Variants in CCBE1 observed in about 807,000 individuals in gnomAD.
The protein encoded by CCBE1 is collagen and calcium binding EGF domains 1.
Under a neutral mutation model 50.0 loss-of-function variants are expected in CCBE1, and 37 were observed. The observed-to-expected ratio is 0.74, with a 90% CI of 0.57 to 0.97. The LOEUF (loss-of-function observed/expected upper bound fraction) is 0.97. CCBE1 is among the 50% of genes least tolerant of loss of function. The probability of loss-of-function intolerance (pLI) is 0.00; values close to 1 mark genes in which losing one functional copy is unlikely to be tolerated. For missense variants in CCBE1, 538 were observed against 523.8 expected (o/e 1.03, Z -0.26); for synonymous variants, 234 against 203.7 (o/e 1.15, Z -1.27).
intron 9 of CCBE1, 73 bp downstream of exon 9, chr18:59,439,470 A>T (rs1910312403): frequency 6.3e-6 from 10 of 1,585,608 alleles, no homozygotes; most frequent in Non-Finnish European, 7.8e-6. Flanking sequence ...ATCTCAAAAA[A>T]CAAAAACAAA....
At chr18:59,485,601 T>TAATTA (rs1461805236) in intron 2 of CCBE1, among the ~76,000 whole-genome samples, 3 of 146,116 alleles carry the variant, frequency 2.1e-5, no homozygotes, top group African/African-American at 8.0e-5. Flanking sequence ...TTTATTTATT[T>TAATTA]ATTTATTTAT....
chr18:59,601,445 C>T (rs2053432985), intron 2 of CCBE1, among the ~76,000 whole-genome samples: 1 of 152,168 alleles, frequency 6.6e-6, no homozygotes, highest in South Asian at 2.1e-4. Flanking sequence ...TAAGACGTGC[C>T]TTTGCTCCTC....
chr18:59,456,057 C>A (rs962603761), intron 5 of CCBE1, among the ~76,000 whole-genome samples: 2 of 152,172 alleles, frequency 1.3e-5, no homozygotes, highest in Admixed American at 1.3e-4. Context: ...TGAATCCCAC[C>A]AAGATGCACA....
chr18:59,523,585 C>A (rs1914696468), intron 2 of CCBE1, among the ~76,000 whole-genome samples: 1 of 152,022 alleles, frequency 6.6e-6, no homozygotes, highest in Non-Finnish European at 1.5e-5. Context: ...ATTATTGTTG[C>A]TATAAAATAT....
intron 2 of CCBE1, among the ~76,000 whole-genome samples, chr18:59,545,520 G>A (rs721062): frequency 0.24 from 37,003 of 152,028 alleles, 4,910 homozygotes; most frequent in African/African-American, 0.32. Context: ...TGGCTTCTAA[G>A]TATTTACTAG....
At chr18:59,613,198 G>A (rs909189115) in intron 2 of CCBE1, among the ~76,000 whole-genome samples, 5 of 151,950 alleles carry the variant, frequency 3.3e-5, no homozygotes, top group Non-Finnish European at 7.4e-5. Context: ...GGTGGGGGGT[G>A]GTAGAGGATA....
chr18:59,548,566 T>C (rs1779872898), intron 2 of CCBE1, among the ~76,000 whole-genome samples: 1 of 152,180 alleles, frequency 6.6e-6, no homozygotes, highest in Non-Finnish European at 1.5e-5. Context: ...AGACCCTACA[T>C]AGGGAAAATC....
At chr18:59,630,109 C>A (rs996775343) in intron 2 of CCBE1, among the ~76,000 whole-genome samples, 4 of 152,158 alleles carry the variant, frequency 2.6e-5, no homozygotes, top group Non-Finnish European at 4.4e-5. Context: ...CCCTGGGGAC[C>A]AGTAAACCAG....
intron 2 of CCBE1, among the ~76,000 whole-genome samples, chr18:59,659,674 G>A (rs1409890116): frequency 6.6e-6 from 1 of 152,156 alleles, no homozygotes; most frequent in African/African-American, 2.4e-5. Context: ...CTGGGTCTCA[G>A]GGAAGCAGAG....
chr18:59,534,002 T>C (rs576191148), intron 2 of CCBE1, among the ~76,000 whole-genome samples: 2 of 152,024 alleles, frequency 1.3e-5, no homozygotes, highest in Non-Finnish European at 2.9e-5. Flanking sequence ...ACCCATTTCA[T>C]TGAGAGATTC....
rs1407955056 is a variant in CCBE1 at position 59,576,578 on chromosome 18, G to T, written c.213-96340C>A. ...ATAAGACTAAAAGTTGCCTCTGTCTGCCCTTATTTTGATTGTGACAAAATG... is the reference window on the plus strand; with the variant it reads ...ATAAGACTAAAAGTTGCCTCTGTCTTCCCTTATTTTGATTGTGACAAAATG... On this transcript the variant is annotated intron_variant, in intron 2 of 10. Coordinates refer to ENST00000439986, the MANE Select transcript of CCBE1 (RefSeq NM_133459.4). Among the ~76,000 whole-genome samples the T allele has an allele frequency of 3.9e-5, 6 of 152,202 alleles. 1 individual carries two copies. Among genetic ancestry groups the T allele is most frequent in the Non-Finnish European group, 8.8e-5 (6 of 68,046 alleles).
At chr18:59,477,538 C>CTGTGTGTGTGTGTG (rs55840819) in intron 3 of CCBE1, among the ~76,000 whole-genome samples, 4,237 of 149,918 alleles carry the variant, frequency 0.028, 269 homozygotes, top group East Asian at 0.14. Flanking sequence ...TTCCATGTCT[C>CTGTGTGTGTGTGTG]TGTGTGTGTG....
At chr18:59,689,280 C>T (rs1400488879) in intron 2 of CCBE1, among the ~76,000 whole-genome samples, 1 of 152,194 alleles carries the variant, frequency 6.6e-6, no homozygotes, top group Non-Finnish European at 1.5e-5. Context: ...TGAGAAGCTT[C>T]ACTCCAGATG....
chr18:59,553,025 G>T (rs973498149), intron 2 of CCBE1, among the ~76,000 whole-genome samples: 14 of 152,220 alleles, frequency 9.2e-5, no homozygotes, highest in African/African-American at 3.1e-4. Flanking sequence ...CTTTTATGGT[G>T]TAAGAGGAGG....
At chr18:59,561,541 C>T (rs11661374) in intron 2 of CCBE1, among the ~76,000 whole-genome samples, 73,742 of 152,078 alleles carry the variant, frequency 0.48, 18,995 homozygotes, top group Non-Finnish European at 0.59. Flanking sequence ...CATGGGAAGG[C>T]CATCCCTTAG....
At chr18:59,653,541 C>T (rs191990554) in intron 2 of CCBE1, among the ~76,000 whole-genome samples, 6 of 152,282 alleles carry the variant, frequency 3.9e-5, no homozygotes, top group Admixed American at 3.3e-4. Flanking sequence ...TTTTTTCCCC[C>T]ACAACAACCC....
Position 59,697,192 on chromosome 18 carries a change from C to G in CCBE1, c.131+20G>C. The G allele has an allele frequency of 6.5e-7, 1 of 1,548,228 alleles. No individual in the cohort carries two copies. The highest frequency in any genetic ancestry group is 8.7e-7 in the Non-Finnish European group (1 of 1,146,638). On this transcript the variant is annotated intron_variant, in intron 1 of 10. Transcript: ENST00000439986. Reference sequence around the variant, plus strand: ...GCATCAAGCAGGAGCTCGCCCTCCGCTGGGGCTTGCAGCGCTTACCTGTCG... The same window carrying G: ...GCATCAAGCAGGAGCTCGCCCTCCGGTGGGGCTTGCAGCGCTTACCTGTCG...
At chr18:59,533,493 T>C (rs1298450783) in intron 2 of CCBE1, among the ~76,000 whole-genome samples, 1 of 152,188 alleles carries the variant, frequency 6.6e-6, no homozygotes, top group East Asian at 1.9e-4. Context: ...TATTCACATA[T>C]ACATACCAAC....
chr18:59,618,436 GTTTT>G (rs1458037196), intron 2 of CCBE1, among the ~76,000 whole-genome samples: 1 of 141,630 alleles, frequency 7.1e-6, no homozygotes, highest in Non-Finnish European at 1.6e-5. Flanking sequence ...CCTTAGAAAA[GTTTT>G]TTTTTTTTTT....
Sources: gnomAD v4.1 joint callset for allele counts (sites outside exome capture counted in the v4.1 genomes callset) on GRCh38, gnomAD v4.1.1 for gene constraint, MANE v1.5 for transcripts, NCBI Gene and HGNC (gene_info 2026-07-23, HGNC 2026-07-21) for gene names.